The following PRICKLE2 variants were observed in gnomAD, a reference collection of about 807,000 sequenced individuals.
PRICKLE2 encodes prickle planar cell polarity protein 2, also known as prickle-like protein 2.
A neutral mutation model predicts 81.4 loss-of-function variants in PRICKLE2; 21 were observed. That is an observed-to-expected ratio of 0.26 (90% confidence interval 0.18 to 0.37). The LOEUF (loss-of-function observed/expected upper bound fraction) is 0.37, where lower values mean the gene tolerates loss of function less well. PRICKLE2 is among the 10% of genes least tolerant of loss of function. The pLI, the probability that PRICKLE2 is intolerant of heterozygous loss-of-function variation, is 1.00. For missense variants in PRICKLE2, 940 were observed against 1,109.0 expected (o/e 0.85, Z 2.16); for synonymous variants, 456 against 421.5 (o/e 1.08, Z -1.00).
chr3:64,182,839 T>C (rs1270653166), intron 2 of PRICKLE2, among the ~76,000 whole-genome samples: 1 of 152,038 alleles, frequency 6.6e-6, no homozygotes, highest in Non-Finnish European at 1.5e-5. Flanking sequence ...ATATTCTGTA[T>C]CTTTCCACCA....
At chr3:64,213,800 T>C (rs893929518) in intron 1 of PRICKLE2, among the ~76,000 whole-genome samples, 1 of 152,164 alleles carries the variant, frequency 6.6e-6, no homozygotes, top group Non-Finnish European at 1.5e-5. Context: ...AGAAAATTAT[T>C]GTTATCCTTC....
Position 64,147,515 on chromosome 3 carries a change from G to A in PRICKLE2, c.975C>T (p.Ala325=), listed in dbSNP as rs1374053760. The A allele has an allele frequency of 6.8e-6, 11 of 1,614,254 alleles. 1 individual carries two copies. The South Asian group carries it at 1.1e-4, about 16-fold the overall frequency. ...ACTCCTTGGCCCTGGCGTTCTGGAA[G>A]GCGGAATCAGAGGAGTCAGAACCAT... ...DPNGSDSSDS[A]FQNARAKESR... is the part of the protein sequence containing the mutation. Residue 325 remains alanine (A), a synonymous_variant, in exon 7 of 8, where the codon GCC becomes GCT. Coordinates refer to ENST00000638394, the MANE Select transcript of PRICKLE2 (RefSeq NM_198859.4). This position sits in a 1 kb window ranked among gnomAD's most constrained non-coding sequence, Gnocchi z 5.0.
At chr3:64,167,269 G>A (rs1177257260) in intron 2 of PRICKLE2, among the ~76,000 whole-genome samples, 2 of 152,096 alleles carry the variant, frequency 1.3e-5, no homozygotes, top group African/African-American at 2.4e-5. Context: ...CCATTATGCT[G>A]ATAACTGTAT....
At chr3:64,173,558 T>C (rs1005104930) in intron 2 of PRICKLE2, among the ~76,000 whole-genome samples, 5 of 152,184 alleles carry the variant, frequency 3.3e-5, no homozygotes, top group African/African-American at 1.2e-4. Context: ...AACTGACCAA[T>C]TGGCTCTTGC....
At chr3:64,160,270 G>T (rs1319271933) in intron 3 of PRICKLE2, among the ~76,000 whole-genome samples, 193 bp from the exon 4 acceptor site, 1 of 152,146 alleles carries the variant, frequency 6.6e-6, no homozygotes, top group Non-Finnish European at 1.5e-5. Context: ...TAAGATTGCG[G>T]ACAGCCAAAA....
At chr3:64,161,445 G>C (rs897588296) in intron 3 of PRICKLE2, among the ~76,000 whole-genome samples, 1 of 152,112 alleles carries the variant, frequency 6.6e-6, no homozygotes, top group Non-Finnish European at 1.5e-5. Flanking sequence ...TTGAAAACCA[G>C]GACAGCTGTG....
At chr3:64,130,756 T>C (rs1430590325) in intron 7 of PRICKLE2, among the ~76,000 whole-genome samples, 1 of 152,160 alleles carries the variant, frequency 6.6e-6, no homozygotes, top group East Asian at 1.9e-4. Flanking sequence ...TTTAAAACAG[T>C]CCCTCACCCA....
At chr3:64,237,854 T>C (rs971263959) in intron 2 of PRICKLE2, among the ~76,000 whole-genome samples, 2 of 152,150 alleles carry the variant, frequency 1.3e-5, no homozygotes, top group African/African-American at 4.8e-5. Flanking sequence ...AACTAACTCC[T>C]CTTGGCTTGC....
intron 2 of PRICKLE2, among the ~76,000 whole-genome samples, chr3:64,183,668 C>T (rs1387134567): frequency 1.3e-5 from 2 of 152,160 alleles, no homozygotes; most frequent in Non-Finnish European, 1.5e-5. Context: ...CTATCATCAT[C>T]TTTCTTCTAA....
At chr3:64,103,892 A>G (rs550906518) in intron 7 of PRICKLE2, among the ~76,000 whole-genome samples, 28 of 152,174 alleles carry the variant, frequency 1.8e-4, no homozygotes, top group Non-Finnish European at 3.8e-4. Context: ...AGGTGGCAGT[A>G]TCACCTGAGC....
Position 64,198,903 on chromosome 3 carries a change from T to A in PRICKLE2, c.25A>T (p.Met9Leu), listed in dbSNP as rs1474574080. 1 of 1,614,094 alleles carries A rather than the reference T, an allele frequency of 6.2e-7. No homozygotes were observed. The highest frequency in any genetic ancestry group is 1.3e-5 in the African/African-American group (1 of 75,010). MVTVMPLE[M>L]EKTISKLMFD... ...ATGAGTTTGCTGATGGTCTTCTCCA[T>A]CTCCAGCGGCATCACTGTCACCATG... Residue 9 changes from methionine (M) to leucine (L), a missense_variant, in exon 2 of 8, where the codon ATG becomes TTG. Physicochemically the swap from Met to Leu is conservative, Grantham distance 15. Around this residue, in one of 2 missense-constraint regions of PRICKLE2, gnomAD observed 270 missense variants for 391.8 expected, o/e 0.69. Transcript: ENST00000638394.
chr3:64,101,278 C>T (rs947262475), intron 7 of PRICKLE2: 2 of 152,068 alleles, frequency 1.3e-5, no homozygotes, highest in Non-Finnish European at 2.9e-5. Flanking sequence ...CTTGTAATAG[C>T]CCAGAAACGG....
intron 4 of PRICKLE2, among the ~76,000 whole-genome samples, chr3:64,159,733 T>G (rs949734021): frequency 6.6e-6 from 1 of 152,214 alleles, no homozygotes; most frequent in African/African-American, 2.4e-5. Context: ...TTGCTGTATC[T>G]TTTTCTATTT....
intron 2 of PRICKLE2, among the ~76,000 whole-genome samples, chr3:64,173,425 A>T (rs62249939): frequency 0.11 from 17,388 of 152,238 alleles, 1,197 homozygotes; most frequent in East Asian, 0.22. Flanking sequence ...GATAAATTAA[A>T]TAGGAAGTGA....
chr3:64,212,600 T>C (rs1358871324), intron 1 of PRICKLE2, among the ~76,000 whole-genome samples: 2 of 152,178 alleles, frequency 1.3e-5, no homozygotes, highest in African/African-American at 4.8e-5. Context: ...AGGCATAAAA[T>C]ATTCCCTAAG....
intron 7 of PRICKLE2, among the ~76,000 whole-genome samples, chr3:64,112,992 G>A (rs1257495274): frequency 6.6e-6 from 1 of 152,158 alleles, no homozygotes; most frequent in Non-Finnish European, 1.5e-5. Context: ...AACCCTGCAT[G>A]GGCTACCCTG....
At chr3:64,183,955 C>T (rs541624775) in intron 2 of PRICKLE2, among the ~76,000 whole-genome samples, 2 of 152,286 alleles carry the variant, frequency 1.3e-5, no homozygotes, top group African/African-American at 4.8e-5. Context: ...AGCACTGGCC[C>T]TATGCGACAA....
intron 1 of PRICKLE2, among the ~76,000 whole-genome samples, chr3:64,204,332 A>G (rs2078642809): frequency 6.6e-6 from 1 of 152,198 alleles, no homozygotes; most frequent in Admixed American, 6.5e-5. Context: ...CTCTTCCATC[A>G]GTCCTCCAGG....
At chr3:64,206,901 A>G (rs2078696926) in intron 1 of PRICKLE2, among the ~76,000 whole-genome samples, 1 of 152,180 alleles carries the variant, frequency 6.6e-6, no homozygotes, top group Non-Finnish European at 1.5e-5. Context: ...CACTAAAGGC[A>G]AAAGAACACA....
Sources: allele counts gnomAD v4.1 joint callset (sites outside exome capture counted in the v4.1 genomes callset), GRCh38; gene constraint gnomAD v4.1.1; regional missense constraint gnomAD v4.1.1; non-coding constraint Gnocchi (gnomAD v3.1); transcripts MANE v1.5; gene names NCBI Gene and HGNC (gene_info 2026-07-23, HGNC 2026-07-21).